The following BRIP1 variants were observed in gnomAD, a reference collection of about 807,000 sequenced individuals.
BRIP1 encodes the protein BRCA1 interacting DNA helicase 1.
In BRIP1, 88 loss-of-function variants were observed where a neutral mutation model predicts 119.7. The observed-to-expected ratio is 0.74, with a 90% CI of 0.62 to 0.88. The LOEUF (loss-of-function observed/expected upper bound fraction) is 0.88, where lower values mean the gene tolerates loss of function less well. Ranked by LOEUF, BRIP1 falls within the 40% of genes least tolerant of loss-of-function variation. BRIP1 has a pLI of 0.00. For synonymous variants in BRIP1, 443 were observed against 496.5 expected, an observed-to-expected ratio of 0.89 and a Z score of 1.43; for missense variants, 1,259 against 1,455.4, an observed-to-expected ratio of 0.87 and a Z score of 2.20.
Position 61,776,506 on chromosome 17 carries a change from G to A in BRIP1, c.1992C>T (p.Phe664=). The change falls in exon 14 of 20, where the codon TTC becomes TTT. Residue 664 remains phenylalanine (F), a synonymous_variant. Coordinates refer to ENST00000259008, the MANE Select transcript of BRIP1 (RefSeq NM_032043.3). This position sits in a 1 kb window ranked among gnomAD's most constrained non-coding sequence, Gnocchi z 5.0. ...GPKGRNLCAT[F]QNTETFEFQD... is the part of the protein sequence containing the mutation. ...GGAACTCAAATGTTTCAGTATTCTGGAAGGTAGCACAGAGATTCCGACCCT... is the reference window on the plus strand; with the variant it reads ...GGAACTCAAATGTTTCAGTATTCTGAAAGGTAGCACAGAGATTCCGACCCT... 1.2e-6 allele frequency: 2 copies of A among 1,614,140 alleles called. No homozygotes were observed. The highest frequency in any genetic ancestry group is 4.5e-5 in the East Asian group (2 of 44,880).
rs954445945 is a variant in BRIP1, at chr17:61,691,616, C to T, written c.2575+1814G>A. 8.5e-5 allele frequency among the ~76,000 whole-genome samples: 13 copies of T among 152,206 alleles called. No individual in the cohort carries two copies. The highest frequency in any genetic ancestry group is 2.1e-4 in the South Asian group (1 of 4,826). On this transcript the variant is annotated intron_variant, in intron 18 of 19. Coordinates refer to ENST00000259008, the MANE Select transcript of BRIP1 (RefSeq NM_032043.3). This position sits in a 1 kb window ranked among gnomAD's most constrained non-coding sequence, Gnocchi z 5.0. Reference sequence around the variant, plus strand: ...GATTACAGGCACCCGCCACCGCACCCGGCTAATTTTTGTATTTTTAATAGA... The same window carrying T: ...GATTACAGGCACCCGCCACCGCACCTGGCTAATTTTTGTATTTTTAATAGA...
In BRIP1 at chr17:61,799,877, G is replaced by A. The variant is rs2077963695; in HGVS notation, c.1141-578C>T. Among the ~76,000 whole-genome samples, 1 of 152,018 alleles carries A rather than the reference G, an allele frequency of 6.6e-6. No individual in the cohort carries two copies. The highest frequency in any genetic ancestry group is 1.5e-5 in the Non-Finnish European group (1 of 67,990). On this transcript the variant is annotated intron_variant, in intron 8 of 19. Transcript: ENST00000259008. This position sits in a 1 kb window ranked among gnomAD's most constrained non-coding sequence, Gnocchi z 5.1. Reference sequence around the variant, plus strand: ...TGTTCTTCTCCAACTCCCATGTGATGCTGGCAGGACTATTAACCTGTGAAT... The same window carrying A: ...TGTTCTTCTCCAACTCCCATGTGATACTGGCAGGACTATTAACCTGTGAAT...
At position 61,729,448 on chromosome 17, in the gene BRIP1, G is replaced by A. The variant is rs34025065; in HGVS notation, c.2380-13385C>T. Among the ~76,000 whole-genome samples the A allele has an allele frequency of 0.29, 43,699 of 151,196 alleles. 6,750 individuals are homozygous for A. The highest frequency in any genetic ancestry group is 0.48 in the East Asian group (2,456 of 5,136). ...CTATAAGAAGGAAAAAGCAGAGTAA[G>A]TGAGGTAAAATCCTGTCTCAAATAG... On this transcript the variant is annotated intron_variant, in intron 16 of 19. Coordinates refer to ENST00000259008, the MANE Select transcript of BRIP1 (RefSeq NM_032043.3). This position sits in a 1 kb window ranked among gnomAD's most constrained non-coding sequence, Gnocchi z 5.6.
rs190685221 is a variant in BRIP1 at position 61,821,808 on chromosome 17, C to T, written c.628-13051G>A. The stretch of plus-strand genomic sequence containing the variant: ...ATTATGACTCACTTCATTCTCAACC[C>T]TCAACCTCCTCGGCTCAAGTGATCC... On this transcript the variant is annotated intron_variant, in intron 6 of 19. Transcript: ENST00000259008. Among the ~76,000 whole-genome samples, 5 of 152,282 alleles carry T rather than the reference C, an allele frequency of 3.3e-5. No homozygotes were observed. In the East Asian group the frequency reaches 9.6e-4, roughly 29 times the overall value.
At chr17:61,801,968 G>C (rs762281510) in intron 7 of BRIP1, among the ~76,000 whole-genome samples, 2 of 151,990 alleles carry the variant, frequency 1.3e-5, no homozygotes, top group Non-Finnish European at 2.9e-5. Flanking sequence ...AGGAAGGAAG[G>C]TAAGTAGGTA....
At chr17:61,849,026 C>A in intron 5 of BRIP1, 103 bp downstream of exon 5, 3 of 1,281,326 alleles carry the variant, frequency 2.3e-6, no homozygotes, top group Non-Finnish European at 2.3e-6. Flanking sequence ...ATGGCTGTCA[C>A]ATGACCCAAC....
chr17:61,703,549 G>C lies in BRIP1; in HGVS notation c.2493-10037C>G, dbSNP rs1210002458. ...GATTCTGGATATTAGACGTTTGTAA[G>C]ATGCATAGTTTGCAAACATTTTCTC... On this transcript the variant is annotated intron_variant, in intron 17 of 19. Transcript: ENST00000259008. This position sits in a 1 kb window ranked among gnomAD's most constrained non-coding sequence, Gnocchi z 5.0. Among the ~76,000 whole-genome samples, 2 of 152,176 alleles carry C rather than the reference G, an allele frequency of 1.3e-5. No individual in the cohort carries two copies. Among genetic ancestry groups the C allele is most frequent in the Non-Finnish European group, 2.9e-5 (2 of 68,042 alleles).
In BRIP1 at chr17:61,682,813, G is replaced by A. The variant is rs7213430; in HGVS notation, c.*483C>T. 0.61 allele frequency: 117,034 copies of A among 191,258 alleles called. 36,575 individuals carry two copies. Among genetic ancestry groups the A allele is most frequent in the East Asian group, 0.74 (8,695 of 11,704 alleles). The allele number at this position is 191,258 out of a possible 1,614,324, so 11.8% of individuals were successfully genotyped here. ...GCTAAGGAAGACTTATTTGAGGACA[G>A]TACTTTGTATGAATTACTTTATCAA... On this transcript the variant is annotated 3_prime_UTR_variant, in exon 20 of 20. Transcript: ENST00000259008. The surrounding 1 kb of genome is among the most constrained non-coding windows in gnomAD (Gnocchi z 4.9).
chr17:61,711,233 A>G (rs1470698116), intron 17 of BRIP1, among the ~76,000 whole-genome samples: 1 of 152,148 alleles, frequency 6.6e-6, no homozygotes, highest in Non-Finnish European at 1.5e-5. Context: ...TGGTTTCTTG[A>G]AATTCAAGGC....
rs1242694483 is a variant in BRIP1 at position 61,758,749 on chromosome 17, C to T, written c.2098-14158G>A. Among the ~76,000 whole-genome samples the T allele has an allele frequency of 2.6e-5, 4 of 151,874 alleles. No homozygotes were observed. Among genetic ancestry groups the T allele is most frequent in the African/African-American group, 7.3e-5 (3 of 41,358 alleles). Reference sequence around the variant, plus strand: ...CCTGTAATTCCAGCACTTTAGGAGGCTGAGGCAGAAGGATTGCTTGAGGCC... The same window carrying T: ...CCTGTAATTCCAGCACTTTAGGAGGTTGAGGCAGAAGGATTGCTTGAGGCC... On this transcript the variant is annotated intron_variant, in intron 14 of 19. Transcript: ENST00000259008. This position sits in a 1 kb window ranked among gnomAD's most constrained non-coding sequence, Gnocchi z 5.3.
rs1449379962 is a variant in BRIP1 at position 61,852,659 on chromosome 17, C to T, written c.380-3403G>A. 1.3e-5 allele frequency among the ~76,000 whole-genome samples: 2 copies of T among 152,048 alleles called. No homozygotes were observed. The highest frequency in any genetic ancestry group is 2.9e-5 in the Non-Finnish European group (2 of 68,016). On this transcript the variant is annotated intron_variant, in intron 4 of 19. Coordinates refer to ENST00000259008, the MANE Select transcript of BRIP1 (RefSeq NM_032043.3). This position sits in a 1 kb window ranked among gnomAD's most constrained non-coding sequence, Gnocchi z 4.9. ...CTCTAGCCTGAGCGACAGAGTGAGA[C>T]CCCACCTCAAATAAAAAACAAAAGA...
Position 61,686,006 on chromosome 17 carries a change from G to A in BRIP1, c.2735C>T (p.Thr912Ile), listed in dbSNP as rs571949350. 2 of 1,613,952 alleles carry A rather than the reference G, an allele frequency of 1.2e-6. No individual in the cohort carries two copies. Among genetic ancestry groups the A allele is most frequent in the Admixed American group, 1.7e-5 (1 of 60,018 alleles). ...IQDNESTLEVTSLKYSTSPYL... is the reference protein window; with the variant it reads ...IQDNESTLEVISLKYSTSPYL... ...AGGTGAGGTACTGTACTTTAAAGAG[G>A]TCACTTCAAGTGTAGACTCATTGTC... Residue 912 changes from threonine to isoleucine, a missense_variant, in exon 19 of 20, where the codon ACC becomes ATC. By Grantham distance (89) the Thr-to-Ile change is moderately conservative. Around this residue, in one of 3 missense-constraint regions of BRIP1, gnomAD observed 753 missense variants for 891.8 expected, o/e 0.84. Transcript: ENST00000259008. This position sits in a 1 kb window ranked among gnomAD's most constrained non-coding sequence, Gnocchi z 5.4.
At position 61,796,585 on chromosome 17, in the gene BRIP1, G is replaced by C. The variant is rs1001925833; in HGVS notation, c.1340+2515C>G. Among the ~76,000 whole-genome samples the C allele has an allele frequency of 2.0e-5, 3 of 152,018 alleles. No homozygotes were observed. Among genetic ancestry groups the C allele is most frequent in the African/African-American group, 7.2e-5 (3 of 41,422 alleles). On this transcript the variant is annotated intron_variant, in intron 9 of 19. Coordinates refer to ENST00000259008, the MANE Select transcript of BRIP1 (RefSeq NM_032043.3). The surrounding 1 kb of genome is among the most constrained non-coding windows in gnomAD (Gnocchi z 4.8). Reference sequence around the variant, plus strand: ...ACTGTAGGTGTGTGGATTTGTTTCTGAGTTCTCTATTCTGTTCCATTGATC... The same window carrying C: ...ACTGTAGGTGTGTGGATTTGTTTCTCAGTTCTCTATTCTGTTCCATTGATC...
In BRIP1 at chr17:61,701,675, G is replaced by A. The variant is rs563826435; in HGVS notation, c.2493-8163C>T. Among the ~76,000 whole-genome samples the A allele has an allele frequency of 6.6e-6, 1 of 152,312 alleles. No individual in the cohort carries two copies. The highest frequency in any genetic ancestry group is 2.1e-4 in the South Asian group (1 of 4,822). Reference sequence around the variant, plus strand: ...TGTCAGAACTTTAAAAGCTCTCTATGGACATTGCATTCCTCAGCTTTTCTC... The same window carrying A: ...TGTCAGAACTTTAAAAGCTCTCTATAGACATTGCATTCCTCAGCTTTTCTC... On this transcript the variant is annotated intron_variant, in intron 17 of 19. Coordinates refer to ENST00000259008, the MANE Select transcript of BRIP1 (RefSeq NM_032043.3). The surrounding 1 kb of genome is among the most constrained non-coding windows in gnomAD (Gnocchi z 5.1).
rs909324672 is a variant in BRIP1 at position 61,845,900 on chromosome 17, G to A, written c.627+1201C>T. On this transcript the variant is annotated intron_variant, in intron 6 of 19. Transcript: ENST00000259008. The surrounding 1 kb of genome is among the most constrained non-coding windows in gnomAD (Gnocchi z 4.2). ...GAAACTGGTTTTTTTTCAAAACTGT[G>A]ATCTAATGATGCTGGAAAACTATTA... Among the ~76,000 whole-genome samples the A allele has an allele frequency of 2.0e-5, 3 of 152,112 alleles. No homozygotes were observed. Among genetic ancestry groups the A allele is most frequent in the Non-Finnish European group, 4.4e-5 (3 of 68,024 alleles).
rs973769655 is a variant in BRIP1, at chr17:61,807,806, T to G, written c.918+661A>C. On this transcript the variant is annotated intron_variant, in intron 7 of 19. Transcript: ENST00000259008. This position sits in a 1 kb window ranked among gnomAD's most constrained non-coding sequence, Gnocchi z 4.5. ...CTAATTATCACACCAGAACATAGGC[T>G]CCCAAACTAATACTGCCAAAAGAAA... 6.6e-6 allele frequency among the ~76,000 whole-genome samples: 1 copy of G among 152,110 alleles called. No individual in the cohort carries two copies. The highest frequency in any genetic ancestry group is 1.5e-5 in the Non-Finnish European group (1 of 67,990).
At position 61,846,578 on chromosome 17, in the gene BRIP1, G is replaced by C. The variant is rs1047852425; in HGVS notation, c.627+523C>G. On this transcript the variant is annotated intron_variant, in intron 6 of 19. Coordinates refer to ENST00000259008, the MANE Select transcript of BRIP1 (RefSeq NM_032043.3). The surrounding 1 kb of genome is among the most constrained non-coding windows in gnomAD (Gnocchi z 4.3). Reference sequence around the variant, plus strand: ...ATTTTTGTATTTTTTGTAGAATCAGGGTTTCGCCATGTTGCCCAGGCTGGT... The same window carrying C: ...ATTTTTGTATTTTTTGTAGAATCAGCGTTTCGCCATGTTGCCCAGGCTGGT... 2.0e-4 allele frequency among the ~76,000 whole-genome samples: 31 copies of C among 152,016 alleles called. No homozygotes were observed. The highest frequency in any genetic ancestry group is 1.9e-4 in the Non-Finnish European group (13 of 67,996).
chr17:61,738,707 ATT>A lies in BRIP1; in HGVS notation c.2379+4304_2379+4305del, dbSNP rs1375849648. On this transcript the variant is annotated intron_variant, in intron 16 of 19. Transcript: ENST00000259008. The surrounding 1 kb of genome is among the most constrained non-coding windows in gnomAD (Gnocchi z 4.2). ...CAAAGGTGGAGAAAAGAGAAATGGAATTTTCTCACAAATGTATATTTTTAATT... is the reference window on the plus strand; with the variant it reads ...CAAAGGTGGAGAAAAGAGAAATGGAATTCTCACAAATGTATATTTTTAATT... Among the ~76,000 whole-genome samples the A allele has an allele frequency of 1.3e-5, 2 of 152,188 alleles. No homozygotes were observed.
rs187799596 is a variant in BRIP1, at chr17:61,748,710, T to C, written c.2098-4119A>G. On this transcript the variant is annotated intron_variant, in intron 14 of 19. Transcript: ENST00000259008. The surrounding 1 kb of genome is among the most constrained non-coding windows in gnomAD (Gnocchi z 4.7). Reference sequence around the variant, plus strand: ...CTTCAGCAAGGGTGCCAAAAATACATAATGGGGAAAGGACAGTCTCTTCAA... The same window carrying C: ...CTTCAGCAAGGGTGCCAAAAATACACAATGGGGAAAGGACAGTCTCTTCAA... Among the ~76,000 whole-genome samples the C allele has an allele frequency of 6.6e-6, 1 of 152,244 alleles. No individual in the cohort carries two copies. The highest frequency in any genetic ancestry group is 2.4e-5 in the African/African-American group (1 of 41,542).
Sources: gnomAD v4.1 joint callset for allele counts (sites outside exome capture counted in the v4.1 genomes callset) on GRCh38, gnomAD v4.1.1 for gene constraint, gnomAD v4.1.1 regional missense constraint, Gnocchi (gnomAD v3.1) non-coding constraint, MANE v1.5 for transcripts, NCBI Gene and HGNC (gene_info 2026-07-23, HGNC 2026-07-21) for gene names.